The following LRP5 variants were observed in gnomAD, a reference collection of about 807,000 sequenced individuals.
The protein encoded by LRP5 is LDL receptor related protein 5, also known as low-density lipoprotein receptor-related protein 5.
LRP5 carries 62 observed loss-of-function variants against 154.1 expected under a neutral mutation model. That is an observed-to-expected ratio of 0.40 (90% confidence interval 0.33 to 0.50). The LOEUF is 0.50. Among genes scored for constraint, LRP5 ranks in the 20% least tolerant of loss-of-function variants. The pLI is 0.55. For missense variants in LRP5, 1,915 were observed against 2,336.7 expected (o/e 0.82, Z 3.72); for synonymous variants, 966 against 1,011.5 (o/e 0.96, Z 0.85).
chr11:68,430,267 G>A (rs554778426), intron 17 of LRP5, among the ~76,000 whole-genome samples: 3 of 152,224 alleles, frequency 2.0e-5, no homozygotes, highest in Admixed American at 1.3e-4. Flanking sequence ...TCTGCCTCCC[G>A]GGTTCAAGTG....
At position 68,438,653 on chromosome 11, in the gene LRP5, C is replaced by T. The variant is rs528693139; in HGVS notation, c.4319C>T (p.Pro1440Leu). Reference sequence around the variant, plus strand: ...CACGTGCCCCTCAATTTCATAGCCCCGGGCGGTTCCCAGCATGGCCCCTTC... The same window carrying T: ...CACGTGCCCCTCAATTTCATAGCCCTGGGCGGTTCCCAGCATGGCCCCTTC... ...TPHVPLNFIA[P>L]GGSQHGPFTG... The change falls in exon 20 of 23, where the codon CCG becomes CTG. Residue 1440 changes from proline to leucine, a missense_variant. Physicochemically the swap from Pro to Leu is moderately conservative, Grantham distance 98. This residue lies in a region of LRP5 where 1,094 missense variants were observed against 1,210.1 expected (regional missense o/e 0.90). Transcript: ENST00000294304. 72 of 1,613,172 alleles carry T rather than the reference C, an allele frequency of 4.5e-5. No individual in the cohort carries two copies. The highest frequency in any genetic ancestry group is 6.7e-5 in the Admixed American group (4 of 59,990).
intron 9 of LRP5, among the ~76,000 whole-genome samples, chr11:68,409,093 T>TAC (rs2098657640): frequency 2.2e-5 from 1 of 46,218 alleles, no homozygotes; most frequent in African/African-American, 6.6e-5. Context: ...TATATATATA[T>TAC]ATACACACAC....
At chr11:68,404,311 G>T (rs550185388) in intron 8 of LRP5, 4 of 531,222 alleles carry the variant, frequency 7.5e-6, no homozygotes, top group African/African-American at 7.5e-5. Context: ...TCCTGCCGGG[G>T]TCCCACACTG....
intron 5 of LRP5, among the ~76,000 whole-genome samples, chr11:68,380,730 A>G (rs2098639810): frequency 1.3e-5 from 2 of 152,156 alleles, no homozygotes; most frequent in South Asian, 4.1e-4. Context: ...GGCAGTGCCA[A>G]TGCTGGTGGG....
intron 1 of LRP5, 105 bp downstream of exon 1, chr11:68,312,910 G>GGCGAGTTGGGA (rs1218330541): frequency 5.1e-6 from 3 of 588,510 alleles, no homozygotes; most frequent in Non-Finnish European, 6.4e-6. Flanking sequence ...GAAGCGACTT[G>GGCGAGTTGGGA]GCGAGTTGGG....
chr11:68,444,557 C>A (rs1230410193), intron 21 of LRP5, among the ~76,000 whole-genome samples: 1 of 246 alleles, frequency 4.1e-3, no homozygotes, highest in Non-Finnish European at 0.017. Flanking sequence ...GCCGAGTGGC[C>A]TCCCCAGCCC....
Position 68,337,957 on chromosome 11 carries a change from C to T in LRP5, c.92-9890C>T, listed in dbSNP as rs546446599. On this transcript the variant is annotated intron_variant, in intron 1 of 22. Coordinates refer to ENST00000294304, the MANE Select transcript of LRP5 (RefSeq NM_002335.4). Reference sequence around the variant, plus strand: ...CACCTGCAGTCAGCTTATCCATCCCCAGGCTCCAGGCATTACCTGTCCATG... The same window carrying T: ...CACCTGCAGTCAGCTTATCCATCCCTAGGCTCCAGGCATTACCTGTCCATG... 3.3e-5 allele frequency among the ~76,000 whole-genome samples: 5 copies of T among 152,346 alleles called. No individual in the cohort carries two copies. The South Asian group carries it at 1.0e-3, about 32-fold the overall frequency.
In LRP5 at chr11:68,443,744, C is replaced by T. The variant is rs1042898274; in HGVS notation, c.4489-2692C>T. On this transcript the variant is annotated intron_variant, in intron 21 of 22. Coordinates refer to ENST00000294304, the MANE Select transcript of LRP5 (RefSeq NM_002335.4). The stretch of plus-strand genomic sequence containing the variant: ...CGCAATCTCAGCTCACTGTAACCTC[C>T]GCCTCCCGGGTTGGAGTGATTCTCC... 4.0e-5 allele frequency among the ~76,000 whole-genome samples: 6 copies of T among 150,154 alleles called. No individual in the cohort carries two copies. In the Middle Eastern group the frequency reaches 0.01, roughly 255 times the overall value.
chr11:68,402,030 G>A (rs1264659812), intron 7 of LRP5, among the ~76,000 whole-genome samples: 1 of 152,142 alleles, frequency 6.6e-6, no homozygotes, highest in African/African-American at 2.4e-5. Context: ...AACAACAGAT[G>A]ACCGAAGTCT....
intron 13 of LRP5, among the ~76,000 whole-genome samples, chr11:68,418,550 C>T (rs939087253): frequency 2.0e-5 from 3 of 152,148 alleles, no homozygotes; most frequent in African/African-American, 4.8e-5. Flanking sequence ...TCGCCATGTC[C>T]GCCGTCGGTT....
In LRP5 at chr11:68,449,217, G is replaced by T; in HGVS notation, c.*147G>T. ...ATGTGAACTGTGATGGGGTGGGCAG[G>T]GCTGGGAGAACTTTGTACAGTGGAG... On this transcript the variant is annotated 3_prime_UTR_variant, in exon 23 of 23. Transcript: ENST00000294304. 2.0e-6 allele frequency: 1 copy of T among 506,466 alleles called. No individual in the cohort carries two copies. The highest frequency in any genetic ancestry group is 3.3e-6 in the Non-Finnish European group (1 of 307,440). 31.4% of individuals were successfully genotyped at this position (506,466 alleles called of 1,614,324 possible). A position where few individuals can be genotyped will look rare whatever the true frequency, so the allele number is the denominator to read the frequency against.
rs761958436 is a variant in LRP5 at position 68,410,055 on chromosome 11, G to T, written c.2233G>T (p.Ala745Ser). The T allele has an allele frequency of 6.8e-6, 11 of 1,614,072 alleles. No individual in the cohort carries two copies. The highest frequency in any genetic ancestry group is 9.3e-6 in the Non-Finnish European group (11 of 1,180,012). Residue 745 changes from alanine (A) to serine (S), a missense_variant, in exon 10 of 23, where the codon GCG (alanine) becomes TCG (serine). By Grantham distance (99) the Ala-to-Ser change is moderately conservative (BLOSUM62 1). Transcript: ENST00000294304. Reference sequence around the variant, plus strand: ...CACTGGGACCAACAGAATCGAAGTGGCGCGGCTGGACGGGCAGTTCCGGCA... The same window carrying T: ...CACTGGGACCAACAGAATCGAAGTGTCGCGGCTGGACGGGCAGTTCCGGCA... ...ADTGTNRIEV[A>S]RLDGQFRQVL...
Position 68,406,792 on chromosome 11 carries a change from C to T in LRP5, c.2070C>T (p.Tyr690=). The T allele has an allele frequency of 6.2e-7, 1 of 1,614,034 alleles. No homozygotes were observed. The highest frequency in any genetic ancestry group is 2.2e-5 in the East Asian group (1 of 44,880). Reference sequence around the variant, plus strand: ...TTGATGTGTCCAACAACCACATCTACTGGACAGACGTCAGCCTGAAGGTAG... The same window carrying T: ...TTGATGTGTCCAACAACCACATCTATTGGACAGACGTCAGCCTGAAGGTAG... ...LDFDVSNNHI[Y]WTDVSLKTIS... The change falls in exon 9 of 23, where the codon TAC becomes TAT. Residue 690 remains tyrosine, a synonymous_variant. Coordinates refer to ENST00000294304, the MANE Select transcript of LRP5 (RefSeq NM_002335.4).
intron 2 of LRP5, among the ~76,000 whole-genome samples, chr11:68,350,130 G>A (rs963282803): frequency 1.3e-5 from 2 of 152,166 alleles, no homozygotes; most frequent in African/African-American, 2.4e-5. Flanking sequence ...TCCACCTCCC[G>A]AGTTCAAGTG....
chr11:68,443,560 TATATATATATATATATA>T (rs1325472522), intron 21 of LRP5, among the ~76,000 whole-genome samples: 9 of 37,826 alleles, frequency 2.4e-4, no homozygotes, highest in African/African-American at 1.1e-3. Flanking sequence ...TATATATATA[TATATATATATATATATA>T]TATATATATT....
Position 68,411,535 on chromosome 11 carries a change from C to G in LRP5, c.2418C>G (p.Ala806=). The G allele has an allele frequency of 5.6e-6, 9 of 1,613,816 alleles. No individual in the cohort carries two copies. Among genetic ancestry groups the G allele is most frequent in the Non-Finnish European group, 7.6e-6 (9 of 1,180,032 alleles). The change falls in exon 11 of 23, where the codon GCC becomes GCG. Residue 806 remains alanine, a synonymous_variant. Transcript: ENST00000294304. ...CMTLVDKVGR[A]NDLTIDYADQ... ...CGCTGGTGGACAAGGTGGGCCGGGC[C>G]AACGACCTCACCATTGACTACGCTG... is the stretch of plus-strand genomic sequence containing the variant.
chr11:68,379,503 G>C (rs1462265409), intron 5 of LRP5, among the ~76,000 whole-genome samples: 1 of 152,154 alleles, frequency 6.6e-6, no homozygotes, highest in African/African-American at 2.4e-5. Context: ...TGTCAGACAG[G>C]CCTTTCCACC....
At chr11:68,387,168 G>A (rs1365160388) in intron 6 of LRP5, among the ~76,000 whole-genome samples, 1 of 150,750 alleles carries the variant, frequency 6.6e-6, no homozygotes, top group Non-Finnish European at 1.5e-5. Flanking sequence ...AGGCTGGAGT[G>A]CAGTGGTGTG....
chr11:68,359,654 C>T (rs1329884197), intron 3 of LRP5, among the ~76,000 whole-genome samples: 9 of 152,180 alleles, frequency 5.9e-5, no homozygotes, highest in Admixed American at 1.3e-4. Context: ...CTCTATGAAA[C>T]GTTTGCTATT....
Sources: gnomAD v4.1 joint callset for allele counts (sites outside exome capture counted in the v4.1 genomes callset) on GRCh38, gnomAD v4.1.1 for gene constraint, gnomAD v4.1.1 regional missense constraint, MANE v1.5 for transcripts, NCBI Gene and HGNC (gene_info 2026-07-23, HGNC 2026-07-21) for gene names.